The following REPS2 variants were observed in gnomAD, a reference collection of about 807,000 sequenced individuals.
REPS2 encodes ralBP1-associated Eps domain-containing protein 2.
In REPS2, 23 loss-of-function variants were observed where a neutral mutation model predicts 53.6. The observed-to-expected ratio is 0.43, with a 90% CI of 0.31 to 0.61. The LOEUF (loss-of-function observed/expected upper bound fraction) is 0.61, where lower values mean the gene tolerates loss of function less well. Ranked by LOEUF, REPS2 falls within the 20% of genes least tolerant of loss-of-function variation. The pLI, the probability that REPS2 is intolerant of heterozygous loss-of-function variation, is 0.11. For missense variants in REPS2, 446 were observed against 534.9 expected, an observed-to-expected ratio of 0.83 and a Z score of 1.64; for synonymous variants, 238 against 218.6, an observed-to-expected ratio of 1.09 and a Z score of -0.78.
At chrX:17,131,235 AAG>A (rs1217839845) in intron 14 of REPS2, among the ~76,000 whole-genome samples, 1 of 111,701 alleles carries the variant, frequency 9.0e-6, no homozygotes, top group East Asian at 2.8e-4. Flanking sequence ...AAACAGGAAA[AAG>A]AGTGAATGAC....
intron 4 of REPS2, among the ~76,000 whole-genome samples, chrX:17,026,545 G>A (rs1361611484): frequency 2.8e-5 from 3 of 106,751 alleles, no homozygotes; most frequent in Admixed American, 1.0e-4. Flanking sequence ...TACTGAGTCA[G>A]CCTGTCAGCA....
intron 14 of REPS2, among the ~76,000 whole-genome samples, chrX:17,111,179 A>G (rs1310005322): frequency 8.9e-6 from 1 of 112,302 alleles, no homozygotes; most frequent in African/African-American, 3.2e-5. Context: ...CTGCTTTTAA[A>G]ATTGCATGTT....
intron 1 of REPS2, among the ~76,000 whole-genome samples, chrX:16,979,363 T>C (rs2060994282): frequency 8.9e-6 from 1 of 112,218 alleles, no homozygotes; most frequent in Non-Finnish European, 1.9e-5. Flanking sequence ...CCAAGATTCA[T>C]AGCCACAGGA....
chrX:17,110,063 C>T (rs1427734223), intron 14 of REPS2, among the ~76,000 whole-genome samples: 4 of 111,629 alleles, frequency 3.6e-5, no homozygotes, highest in Middle Eastern at 4.6e-3. Context: ...GTAAATTCTT[C>T]TGGGAGAAAT....
intron 1 of REPS2, among the ~76,000 whole-genome samples, chrX:16,968,688 G>A (rs1447033598): frequency 1.6e-4 from 15 of 95,787 alleles, no homozygotes; most frequent in African/African-American, 5.8e-4. Context: ...GGCTGGCCGG[G>A]CGGGGGGCTG....
At chrX:17,086,141 C>T (rs376518686) in intron 13 of REPS2, among the ~76,000 whole-genome samples, 4 of 111,336 alleles carry the variant, frequency 3.6e-5, no homozygotes, top group African/African-American at 9.8e-5. Context: ...TTTTCACATT[C>T]TGTATTTTGC....
intron 14 of REPS2, among the ~76,000 whole-genome samples, chrX:17,126,717 CT>C (rs1183142306): frequency 2.7e-5 from 3 of 110,915 alleles, no homozygotes; most frequent in Non-Finnish European, 5.7e-5. Flanking sequence ...TATCCCACCA[CT>C]TTTTTTTTGT....
intron 5 of REPS2, among the ~76,000 whole-genome samples, chrX:17,034,054 G>A (rs1295302591): frequency 9.0e-6 from 1 of 111,418 alleles, no homozygotes; most frequent in Non-Finnish European, 1.9e-5. Flanking sequence ...ATATTTTCTT[G>A]TATATGCGAT....
At chrX:16,993,104 A>G (rs368809608) in intron 1 of REPS2, among the ~76,000 whole-genome samples, 5 of 111,951 alleles carry the variant, frequency 4.5e-5, no homozygotes, top group African/African-American at 1.3e-4. Flanking sequence ...TTTACAGGCT[A>G]TGGAGTTTGC....
chrX:16,967,460 G>T (rs12156938), intron 1 of REPS2, among the ~76,000 whole-genome samples: 32,538 of 109,689 alleles, frequency 0.3, 4,617 homozygotes, highest in Middle Eastern at 0.53. Context: ...AGGATCACTT[G>T]AGCTGGAGTT....
chrX:17,022,160 T>A lies in REPS2; in HGVS notation c.435T>A (p.Asp145Glu). 1 of 1,210,078 alleles carries A rather than the reference T, an allele frequency of 8.3e-7. No individual in the cohort carries two copies. The highest frequency in any genetic ancestry group is 1.1e-6 in the Non-Finnish European group (1 of 894,034). Residue 145 changes from aspartate (D) to glutamate (E), a missense_variant, in exon 3 of 18, where the codon GAT becomes GAA. Asp to Glu is a conservative substitution (Grantham distance 45, BLOSUM62 2). Transcript: ENST00000357277. ...CTCGCTTTATGATGTCAAAGAATGA[T>A]GGTGAGATACGATTTGGGAACCCAG... is the stretch of plus-strand genomic sequence containing the variant. ...PLPRFMMSKN[D>E]GEIRFGNPAE...
chrX:17,051,092 C>G (rs773686895), intron 6 of REPS2, among the ~76,000 whole-genome samples: 197 of 111,511 alleles, frequency 1.8e-3, no homozygotes, highest in African/African-American at 5.4e-3. Context: ...TTAGATCCCA[C>G]AAATGAGAAC....
intron 2 of REPS2, among the ~76,000 whole-genome samples, chrX:17,015,552 C>G (rs2058548911): frequency 1.8e-5 from 2 of 110,713 alleles, no homozygotes; most frequent in East Asian, 2.8e-4. Flanking sequence ...CTAACACTAT[C>G]CCTCCCCCCT....
intron 2 of REPS2, among the ~76,000 whole-genome samples, chrX:17,009,844 G>A (rs1036649287): frequency 4.5e-5 from 5 of 111,163 alleles, no homozygotes. Flanking sequence ...ACACTGATCT[G>A]TAACACCCTA....
chrX:17,037,735 C>T (rs2061784148), intron 5 of REPS2, among the ~76,000 whole-genome samples: 1 of 112,734 alleles, frequency 8.9e-6, no homozygotes, highest in Admixed American at 9.3e-5. Flanking sequence ...GTTTGAACTG[C>T]TGGTTCCAGG....
chrX:16,946,892 G>A lies in REPS2; in HGVS notation c.31G>A (p.Ala11Thr), dbSNP rs1382752694. The change falls in exon 1 of 18, where the codon GCA becomes ACA. Residue 11 changes from alanine to threonine, a missense_variant. Transcript: ENST00000357277. ...GGCGGCAGCGGCGGCGGCGGCGGCG[G>A]CAGCGGCAGCGGCAGCGGCGGGCGG... MEAAAAAAAA[A>T]AAAAAAGGGC... The A allele has an allele frequency of 1.3e-6, 1 of 774,570 alleles. No homozygotes were observed. The highest frequency in any genetic ancestry group is 7.2e-4 in the Middle Eastern group (1 of 1,398). The allele number at this position is 774,570 out of a possible 1,213,427, so 63.8% of individuals were successfully genotyped here. A position where few individuals can be genotyped will look rare whatever the true frequency, so the allele number is the denominator to read the frequency against.
chrX:17,118,521 A>T (rs2063095102), intron 14 of REPS2, among the ~76,000 whole-genome samples: 1 of 112,166 alleles, frequency 8.9e-6, no homozygotes, highest in East Asian at 2.8e-4. Flanking sequence ...TTCAGAGAGC[A>T]GAAGTTAACT....
chrX:17,118,093 G>C (rs377585341), intron 14 of REPS2, among the ~76,000 whole-genome samples: 1 of 99,949 alleles, frequency 1.0e-5, no homozygotes, highest in African/African-American at 3.7e-5. Flanking sequence ...CCAAGTAGCT[G>C]GGACTACAGG....
rs2060430395 is a variant in REPS2, at chrX:16,946,716, C to T, written c.-146C>T. 3.1e-6 allele frequency: 2 copies of T among 640,328 alleles called. No individual in the cohort carries two copies. Among genetic ancestry groups the T allele is most frequent in the Non-Finnish European group, 3.7e-6 (2 of 540,885 alleles). The allele number at this position is 640,328 out of a possible 1,213,427, so 52.8% of individuals were successfully genotyped here. A position where few individuals can be genotyped will look rare whatever the true frequency, so the allele number is the denominator to read the frequency against. On this transcript the variant is annotated 5_prime_UTR_variant, in exon 1 of 18. Transcript: ENST00000357277. ...CCGGGAGGAAGCGGCCGCGCGGCAGCTGCGGGGCGTGGGGGTGGTGGTGGC... is the reference window on the plus strand; with the variant it reads ...CCGGGAGGAAGCGGCCGCGCGGCAGTTGCGGGGCGTGGGGGTGGTGGTGGC...
Sources: gnomAD v4.1 joint callset for allele counts (sites outside exome capture counted in the v4.1 genomes callset) on GRCh38, gnomAD v4.1.1 for gene constraint, MANE v1.5 for transcripts, NCBI Gene and HGNC (gene_info 2026-07-23, HGNC 2026-07-21) for gene names.